Variants in MARK1 observed in about 807,000 individuals in gnomAD.
The protein encoded by MARK1 is microtubule affinity regulating kinase 1, also known as serine/threonine-protein kinase MARK1.
Under a neutral mutation model 96.3 loss-of-function variants are expected in MARK1, and 40 were observed. The observed-to-expected ratio is 0.42, with a 90% CI of 0.32 to 0.54. The LOEUF (loss-of-function observed/expected upper bound fraction) is 0.54, where lower values mean the gene tolerates loss of function less well. Among genes scored for constraint, MARK1 ranks in the 20% least tolerant of loss-of-function variants. MARK1 has a pLI of 0.16. For missense variants in MARK1, 719 were observed against 984.6 expected (o/e 0.73, Z 3.61); for synonymous variants, 317 against 341.2 (o/e 0.93, Z 0.78).
In MARK1 at chr1:220,543,127, A is replaced by G. The variant is rs540919239; in HGVS notation, c.51+14254A>G. On this transcript the variant is annotated intron_variant, in intron 1 of 17. Coordinates refer to ENST00000366917, the MANE Select transcript of MARK1 (RefSeq NM_018650.5). ...GGAAATCTAACAGAACTTTTGCATAATTGATGAATAGATCGAACTATGAGC... is the reference window on the plus strand; with the variant it reads ...GGAAATCTAACAGAACTTTTGCATAGTTGATGAATAGATCGAACTATGAGC... 2.1e-3 allele frequency among the ~76,000 whole-genome samples: 317 copies of G among 152,350 alleles called. 2 individuals carry two copies. Among genetic ancestry groups the G allele is most frequent in the Non-Finnish European group, 3.8e-3 (258 of 68,016 alleles).
intron 1 of MARK1, among the ~76,000 whole-genome samples, chr1:220,540,079 A>G (rs561915983): frequency 7.0e-4 from 107 of 152,072 alleles, no homozygotes; most frequent in Non-Finnish European, 1.3e-3. Flanking sequence ...TAGATGTTCT[A>G]TTTTTTCATA....
At chr1:220,592,335 T>C (rs984652603) in intron 3 of MARK1, among the ~76,000 whole-genome samples, 1 of 151,736 alleles carries the variant, frequency 6.6e-6, no homozygotes, top group Non-Finnish European at 1.5e-5. Context: ...TAAATAGCCA[T>C]GTTGGAGAAG....
rs556545337 is a variant in MARK1, at chr1:220,609,125, A to G, written c.495+4988A>G. On this transcript the variant is annotated intron_variant, in intron 6 of 17. Coordinates refer to ENST00000366917, the MANE Select transcript of MARK1 (RefSeq NM_018650.5). ...CTGGATATCCTTGTTAACCTGTCTC[A>G]TTGATCTGTCTAATATTGACAGTGG... 6.3e-4 allele frequency among the ~76,000 whole-genome samples: 96 copies of G among 152,136 alleles called. 1 individual carries two copies. The highest frequency in any genetic ancestry group is 6.1e-3 in the Admixed American group (93 of 15,280).
rs1344624917 is a variant in MARK1, at chr1:220,579,436, A to G, written c.134A>G (p.Asn45Ser). ...AGACAGAACATCCCCCGGTGTAGAA[A>G]CTCCATTACGTCAGCAACAGATGAA... is the stretch of plus-strand genomic sequence containing the variant. ...SSRQNIPRCR[N>S]SITSATDEQP... Residue 45 changes from asparagine to serine, a missense_variant, in exon 2 of 18, where the codon AAC becomes AGC. Asn to Ser is a conservative substitution (Grantham distance 46). This residue lies in a region of MARK1 where 105 missense variants were observed against 133.4 expected (regional missense o/e 0.79). Transcript: ENST00000366917. 6.2e-7 allele frequency: 1 copy of G among 1,613,898 alleles called. No individual in the cohort carries two copies. The highest frequency in any genetic ancestry group is 8.5e-7 in the Non-Finnish European group (1 of 1,179,974).
chr1:220,586,020 T>TGC (rs1553323044), intron 3 of MARK1, among the ~76,000 whole-genome samples: 9 of 146,798 alleles, frequency 6.1e-5, no homozygotes, highest in South Asian at 2.1e-4. Context: ...CACGCGCGCG[T>TGC]GCGCAGAGAG....
intron 1 of MARK1, among the ~76,000 whole-genome samples, chr1:220,567,760 C>T (rs1396662528): frequency 1.3e-5 from 2 of 152,118 alleles, no homozygotes; most frequent in Non-Finnish European, 2.9e-5. Context: ...GTAATAACAA[C>T]ATTTTATAGA....
At chr1:220,614,199 G>C (rs1189213540) in intron 6 of MARK1, among the ~76,000 whole-genome samples, 1 of 151,894 alleles carries the variant, frequency 6.6e-6, no homozygotes, top group African/African-American at 2.4e-5. Flanking sequence ...GTAGAGACGG[G>C]GTCTCACTGT....
At position 220,618,581 on chromosome 1, in the gene MARK1, CA is replaced by C. The variant is rs762844048; in HGVS notation, c.789+37del. 1 of 1,612,714 alleles carries C rather than the reference CA, an allele frequency of 6.2e-7. No homozygotes were observed. Among genetic ancestry groups the C allele is most frequent in the African/African-American group, 1.3e-5 (1 of 74,938 alleles). ...AAATTCTTTATTAATGTTTTATCCC[CA>C]AGTATGATTATGTCAAAAACCAGTT... On this transcript the variant is annotated intron_variant, in intron 8 of 17. Coordinates refer to ENST00000366917, the MANE Select transcript of MARK1 (RefSeq NM_018650.5). This position sits in a 1 kb window ranked among gnomAD's most constrained non-coding sequence, Gnocchi z 4.6.
intron 13 of MARK1, among the ~76,000 whole-genome samples, chr1:220,637,583 G>A (rs1031077455): frequency 6.6e-6 from 1 of 152,114 alleles, no homozygotes; most frequent in African/African-American, 2.4e-5. Context: ...GGAGGCTGAG[G>A]CAGGAGAATC....
chr1:220,561,792 T>C (rs1400970289), intron 1 of MARK1, among the ~76,000 whole-genome samples: 1 of 152,220 alleles, frequency 6.6e-6, no homozygotes, highest in Non-Finnish European at 1.5e-5. Flanking sequence ...GTATTTGGAA[T>C]TTGGCCAGGG....
intron 1 of MARK1, among the ~76,000 whole-genome samples, chr1:220,560,563 A>G (rs1055699418): frequency 6.6e-6 from 1 of 152,200 alleles, no homozygotes; most frequent in Non-Finnish European, 1.5e-5. Flanking sequence ...ACATAAAAGC[A>G]CTGTGATGCC....
intron 1 of MARK1, among the ~76,000 whole-genome samples, chr1:220,540,754 G>A (rs1179238791): frequency 2.0e-5 from 3 of 151,388 alleles, no homozygotes; most frequent in African/African-American, 7.3e-5. Context: ...TGTCAAATTT[G>A]TTGATCTTTT....
intron 7 of MARK1, among the ~76,000 whole-genome samples, chr1:220,616,354 A>C (rs900661491): frequency 6.6e-6 from 1 of 152,148 alleles, no homozygotes; most frequent in Admixed American, 6.5e-5. Context: ...CAGTATTCAC[A>C]CTCTACCTTA....
intron 13 of MARK1, among the ~76,000 whole-genome samples, chr1:220,637,941 G>A (rs1170720767): frequency 6.6e-6 from 1 of 152,096 alleles, no homozygotes; most frequent in Non-Finnish European, 1.5e-5. Context: ...GTCCACTGGA[G>A]CCTTACCTCT....
intron 13 of MARK1, among the ~76,000 whole-genome samples, chr1:220,646,824 A>T (rs1668601203): frequency 6.6e-6 from 1 of 152,194 alleles, no homozygotes; most frequent in Non-Finnish European, 1.5e-5. Flanking sequence ...ATTTTAACAA[A>T]TTGTGCTGGG....
At chr1:220,583,999 G>C (rs1664430128) in intron 3 of MARK1, among the ~76,000 whole-genome samples, 1 of 151,598 alleles carries the variant, frequency 6.6e-6, no homozygotes, top group Non-Finnish European at 1.5e-5. Context: ...TACTAATGTT[G>C]AAGGAAAAGC....
In MARK1 at chr1:220,652,024, G is replaced by T; in HGVS notation, c.1610G>T (p.Gly537Val). ...EMSVSSISSA[G>V]SSVASAVPSA... ...TCTGTGAGTAGCATATCTTCTGCAG[G>T]CTCTTCTGTGGCCTCTGCTGTCCCC... Residue 537 changes from glycine (G) to valine (V), a missense_variant, in exon 15 of 18, where the codon GGC (glycine) becomes GTC (valine). Gly to Val is a moderately radical substitution (Grantham distance 109). Coordinates refer to ENST00000366917, the MANE Select transcript of MARK1 (RefSeq NM_018650.5). 1.2e-6 allele frequency: 2 copies of T among 1,611,028 alleles called. No homozygotes were observed. Among genetic ancestry groups the T allele is most frequent in the South Asian group, 1.1e-5 (1 of 90,826 alleles).
chr1:220,640,688 A>G (rs1668221263), intron 13 of MARK1, among the ~76,000 whole-genome samples: 2 of 152,208 alleles, frequency 1.3e-5, no homozygotes, highest in South Asian at 4.1e-4. Context: ...CAAGATGCCA[A>G]CTTCTGGTGA....
intron 6 of MARK1, 44 bp downstream of exon 6, chr1:220,604,181 C>A: frequency 7.6e-7 from 1 of 1,317,016 alleles, no homozygotes; most frequent in Non-Finnish European, 1.1e-6. Context: ...ATAATTGTAG[C>A]GATGTACAAT....
Sources: allele counts gnomAD v4.1 joint callset (sites outside exome capture counted in the v4.1 genomes callset), GRCh38; gene constraint gnomAD v4.1.1; regional missense constraint gnomAD v4.1.1; non-coding constraint Gnocchi (gnomAD v3.1); transcripts MANE v1.5; gene names NCBI Gene and HGNC (gene_info 2026-07-23, HGNC 2026-07-21).